EAF2: variants seen among roughly 807,000 people sequenced by gnomAD.
EAF2 encodes the protein ELL associated factor 2.
EAF2 carries 29 observed loss-of-function variants against 29.4 expected under a neutral mutation model. The ratio of observed to expected loss-of-function variants is 0.99; its 90% CI spans 0.73 to 1.35. The LOEUF (loss-of-function observed/expected upper bound fraction) is 1.35, where lower values mean the gene tolerates loss of function less well. EAF2 is among the 40% of genes most tolerant of loss of function. The pLI is 0.00. For synonymous variants in EAF2, 103 were observed against 102.5 expected (o/e 1.00, Z -0.03); for missense variants, 292 against 312.0 (o/e 0.94, Z 0.48).
At chr3:121,838,172 T>C (rs1434581997) in intron 1 of EAF2, among the ~76,000 whole-genome samples, 1 of 152,102 alleles carries the variant, frequency 6.6e-6, no homozygotes, top group African/African-American at 2.4e-5. Context: ...AAATACAAAG[T>C]AGAAAATGGT....
At chr3:121,849,159 A>G (rs1310450927) in intron 2 of EAF2, among the ~76,000 whole-genome samples, 3 of 152,170 alleles carry the variant, frequency 2.0e-5, no homozygotes, top group South Asian at 2.1e-4. Context: ...TATTGTTTAT[A>G]TGAACTTGCT....
At position 121,840,130 on chromosome 3, in the gene EAF2, C is replaced by CG. The variant is rs551538743; in HGVS notation, c.107-4321dup. 7.8e-5 allele frequency among the ~76,000 whole-genome samples: 10 copies of CG among 127,722 alleles called. No homozygotes were observed. The East Asian group carries it at 2.6e-3, about 33-fold the overall frequency. The allele number at this position is 127,722 out of a possible 152,430, so 83.8% of individuals were successfully genotyped here. On this transcript the variant is annotated intron_variant, in intron 1 of 5. Coordinates refer to ENST00000273668, the MANE Select transcript of EAF2 (RefSeq NM_018456.6). ...GCTTGAACCGAAGAGGCGGAGGTTG[C>CG]GGTGAGCCGAGATCGCGCCGCTGCC... is the stretch of plus-strand genomic sequence containing the variant.
chr3:121,847,599 A>G (rs1215767843), intron 2 of EAF2, among the ~76,000 whole-genome samples: 1 of 152,170 alleles, frequency 6.6e-6, no homozygotes, highest in Non-Finnish European at 1.5e-5. Flanking sequence ...TATAATATAA[A>G]TTAATTATAA....
chr3:121,835,765 A>G (rs1240457788), intron 1 of EAF2, among the ~76,000 whole-genome samples: 2 of 152,170 alleles, frequency 1.3e-5, no homozygotes, highest in East Asian at 1.9e-4. Flanking sequence ...GGGGAACTTG[A>G]ATGCCTTGAG....
intron 1 of EAF2, among the ~76,000 whole-genome samples, chr3:121,843,001 T>C (rs777015562): frequency 4.6e-5 from 7 of 152,236 alleles, no homozygotes; most frequent in Non-Finnish European, 7.4e-5. Flanking sequence ...TTTATAACTG[T>C]ATCTTAAAAT....
chr3:121,858,724 T>A (rs1009858723), intron 4 of EAF2, among the ~76,000 whole-genome samples: 13 of 152,230 alleles, frequency 8.5e-5, no homozygotes, highest in Admixed American at 8.5e-4. Context: ...TTTTGATGTT[T>A]TAGTCATGAA....
chr3:121,864,565 C>G (rs1708890894), intron 4 of EAF2, among the ~76,000 whole-genome samples: 1 of 152,146 alleles, frequency 6.6e-6, no homozygotes, highest in Admixed American at 6.5e-5. Flanking sequence ...CCTATAATCC[C>G]AGTACTTTGG....
chr3:121,843,386 G>A (rs1049426428), intron 1 of EAF2, among the ~76,000 whole-genome samples: 1 of 152,036 alleles, frequency 6.6e-6, no homozygotes, highest in Admixed American at 6.5e-5. Context: ...TAGACTTTCT[G>A]TCTTTGGGGC....
chr3:121,855,403 G>A (rs909464467), intron 3 of EAF2, among the ~76,000 whole-genome samples: 5 of 152,198 alleles, frequency 3.3e-5, no homozygotes, highest in African/African-American at 1.2e-4. Flanking sequence ...AGAAAAAGGA[G>A]AAGTAATGGT....
At chr3:121,854,882 T>A in intron 3 of EAF2, 59 bp downstream of exon 3, 1 of 1,398,534 alleles carries the variant, frequency 7.2e-7, no homozygotes, top group Non-Finnish European at 9.5e-7. Flanking sequence ...GAAATGTCAA[T>A]AAAAAATTTA....
At chr3:121,869,976 T>G (rs2107536357) in intron 4 of EAF2, among the ~76,000 whole-genome samples, 1 of 152,272 alleles carries the variant, frequency 6.6e-6, no homozygotes, top group East Asian at 1.9e-4. Flanking sequence ...AGCTAAAAAC[T>G]GCCAAAACTC....
chr3:121,864,989 C>T (rs562634412), intron 4 of EAF2, among the ~76,000 whole-genome samples: 1 of 152,216 alleles, frequency 6.6e-6, no homozygotes. Context: ...TTCTAGGGAG[C>T]ATTAAACTTT....
At chr3:121,853,786 G>T (rs1271805312) in intron 2 of EAF2, among the ~76,000 whole-genome samples, 1 of 152,146 alleles carries the variant, frequency 6.6e-6, no homozygotes, top group Non-Finnish European at 1.5e-5. Flanking sequence ...TTTGGGGTTT[G>T]ATAAGAATTA....
chr3:121,885,966 G>A (rs985844319), intron 5 of EAF2, among the ~76,000 whole-genome samples: 32 of 151,732 alleles, frequency 2.1e-4, no homozygotes, highest in African/African-American at 7.8e-4. Context: ...TAATGATTTT[G>A]ACTCCATTTT....
rs983937606 is a variant in EAF2, at chr3:121,867,224, G to A, written c.485-5313G>A. 2.0e-5 allele frequency among the ~76,000 whole-genome samples: 3 copies of A among 152,160 alleles called. No homozygotes were observed. The East Asian group carries it at 5.8e-4, about 29-fold the overall frequency. ...AAGAAGAGGGAGAGCAGGGTTAAAA[G>A]AGTATTTAAATAAATATGTGCAAAA... is the stretch of plus-strand genomic sequence containing the variant. On this transcript the variant is annotated intron_variant, in intron 4 of 5. Coordinates refer to ENST00000273668, the MANE Select transcript of EAF2 (RefSeq NM_018456.6).
chr3:121,884,260 A>C (rs760515216), intron 5 of EAF2, among the ~76,000 whole-genome samples: 7 of 150,128 alleles, frequency 4.7e-5, no homozygotes, highest in Admixed American at 6.6e-5. Flanking sequence ...GAATCACTTG[A>C]ACCAGGGAGG....
In EAF2 at chr3:121,844,563, T is replaced by C; in HGVS notation, c.201+16T>C. 1 of 1,483,538 alleles carries C rather than the reference T, an allele frequency of 6.7e-7. No homozygotes were observed. Among genetic ancestry groups the C allele is most frequent in the African/African-American group, 1.4e-5 (1 of 71,356 alleles). The allele number at this position is 1,483,538 out of a possible 1,614,324, so 91.9% of individuals were successfully genotyped here. On this transcript the variant is annotated intron_variant, in intron 2 of 5. Coordinates refer to ENST00000273668, the MANE Select transcript of EAF2 (RefSeq NM_018456.6). ...AAATATAGAAGTGAGTATTTCTGTA[T>C]CTTTAAAGTGATCACTTTTGTGGGA...
Position 121,844,444 on chromosome 3 carries a change from T to C in EAF2, c.107-9T>C. On this transcript the variant is annotated splice_polypyrimidine_tract_variant and intron_variant, in intron 1 of 5. Coordinates refer to ENST00000273668, the MANE Select transcript of EAF2 (RefSeq NM_018456.6). ...TTTTACAAAAATTGGTATTTGTATC[T>C]ATTTTTAGATGACTTCAAACCTGCT... 1.3e-6 allele frequency: 2 copies of C among 1,568,164 alleles called. No homozygotes were observed. Among genetic ancestry groups the C allele is most frequent in the South Asian group, 1.2e-5 (1 of 85,798 alleles).
intron 2 of EAF2, among the ~76,000 whole-genome samples, chr3:121,852,818 AT>A (rs1043149501): frequency 2.4e-4 from 36 of 152,328 alleles, no homozygotes; most frequent in Admixed American, 2.1e-3. Context: ...ATCCATTAAA[AT>A]TTAATGTACT....
Sources: allele counts gnomAD v4.1 joint callset (sites outside exome capture counted in the v4.1 genomes callset), GRCh38; gene constraint gnomAD v4.1.1; transcripts MANE v1.5; gene names NCBI Gene and HGNC (gene_info 2026-07-23, HGNC 2026-07-21).